PDE10A: variants seen among roughly 807,000 people sequenced by gnomAD.
The protein encoded by PDE10A is cAMP and cAMP-inhibited cGMP 3',5'-cyclic phosphodiesterase 10A.
Under a neutral mutation model 97.7 loss-of-function variants are expected in PDE10A, and 39 were observed. The observed-to-expected ratio is 0.40, with a 90% CI of 0.31 to 0.52. The LOEUF (loss-of-function observed/expected upper bound fraction) is 0.52, where lower values mean the gene tolerates loss of function less well. Ranked by LOEUF, PDE10A falls within the 20% of genes least tolerant of loss-of-function variation. The probability of loss-of-function intolerance (pLI) is 0.56; values close to 1 mark genes in which losing one functional copy is unlikely to be tolerated. For synonymous variants in PDE10A, 371 were observed against 376.8 expected, an observed-to-expected ratio of 0.98 and a Z score of 0.18; for missense variants, 731 against 1,047.8, an observed-to-expected ratio of 0.70 and a Z score of 4.17.
intron 1 of PDE10A, among the ~76,000 whole-genome samples, chr6:165,635,641 T>C (rs755194515): frequency 1.3e-5 from 2 of 152,230 alleles, no homozygotes; most frequent in Non-Finnish European, 2.9e-5. Flanking sequence ...ATGAATTCTA[T>C]AAAATTTATT....
intron 1 of PDE10A, among the ~76,000 whole-genome samples, chr6:165,681,178 T>A (rs959113408): frequency 6.6e-6 from 1 of 152,194 alleles, no homozygotes; most frequent in Non-Finnish European, 1.5e-5. Context: ...GTTCACCTCA[T>A]CCAAGATGCC....
chr6:165,691,085 C>G (rs1465754049), intron 1 of PDE10A, among the ~76,000 whole-genome samples: 1 of 47,278 alleles, frequency 2.1e-5, no homozygotes, highest in Non-Finnish European at 5.7e-5. Flanking sequence ...TTCTCTCTCT[C>G]TCTCTCTCTC....
At chr6:165,979,517 T>A (rs1784947217) in intron 1 of PDE10A, among the ~76,000 whole-genome samples, 2 of 152,246 alleles carry the variant, frequency 1.3e-5, no homozygotes, top group Non-Finnish European at 2.9e-5. Flanking sequence ...CATTTACAAG[T>A]AGAAATATTA....
chr6:165,782,999 C>T (rs578168740), intron 1 of PDE10A, among the ~76,000 whole-genome samples: 5 of 151,940 alleles, frequency 3.3e-5, no homozygotes, highest in African/African-American at 9.7e-5. Context: ...TTGTGGTCCT[C>T]TCTGATGCTC....
At chr6:165,946,390 G>A (rs1333280845) in intron 1 of PDE10A, among the ~76,000 whole-genome samples, 3 of 152,010 alleles carry the variant, frequency 2.0e-5, no homozygotes, top group African/African-American at 7.3e-5. Context: ...AGCTACTAGG[G>A]AGGCTGAGGC....
intron 1 of PDE10A, among the ~76,000 whole-genome samples, chr6:165,906,960 T>A (rs1035578311): frequency 6.6e-6 from 1 of 152,188 alleles, no homozygotes; most frequent in Non-Finnish European, 1.5e-5. Flanking sequence ...GGAATGCAAG[T>A]GCTCACAGCC....
chr6:165,708,775 A>C (rs1383645021), intron 1 of PDE10A, among the ~76,000 whole-genome samples: 6 of 9,766 alleles, frequency 6.1e-4, no homozygotes, highest in Admixed American at 2.5e-3. Flanking sequence ...CTCACCCCCC[A>C]CTCTCCACCC....
At chr6:165,525,131 G>T (rs997906426) in intron 2 of PDE10A, among the ~76,000 whole-genome samples, 1 of 152,110 alleles carries the variant, frequency 6.6e-6, no homozygotes, top group Non-Finnish European at 1.5e-5. Context: ...AAGTCCCGGC[G>T]AGCCCCTAGA....
chr6:165,390,241 G>A (rs547281573), intron 16 of PDE10A, among the ~76,000 whole-genome samples: 1 of 152,302 alleles, frequency 6.6e-6, no homozygotes, highest in Non-Finnish European at 1.5e-5. Flanking sequence ...AATGTCCCGG[G>A]ATTCGATTGA....
intron 1 of PDE10A, among the ~76,000 whole-genome samples, chr6:165,906,010 TCCTTCCCTC>T (rs1782258715): frequency 5.7e-5 from 2 of 35,398 alleles, no homozygotes; most frequent in Admixed American, 3.3e-4. Flanking sequence ...CTTCCTTCCT[TCCTTCCCTC>T]CCTCCCTTCC....
chr6:165,368,421 GA>G (rs377594011), intron 18 of PDE10A, among the ~76,000 whole-genome samples: 134 of 152,254 alleles, frequency 8.8e-4, no homozygotes, highest in Admixed American at 2.0e-3. Context: ...AAGACAAAAA[GA>G]GGTATAAATT....
chr6:165,461,659 T>C (rs1430734272), intron 3 of PDE10A, among the ~76,000 whole-genome samples: 1 of 152,224 alleles, frequency 6.6e-6, no homozygotes, highest in Non-Finnish European at 1.5e-5. Context: ...GCACCCTTTT[T>C]ACATCACTCA....
At chr6:165,905,586 A>G (rs760996204) in intron 1 of PDE10A, among the ~76,000 whole-genome samples, 1 of 152,166 alleles carries the variant, frequency 6.6e-6, no homozygotes, top group Admixed American at 6.5e-5. Flanking sequence ...ATATGTTTAT[A>G]TATTTTAAAT....
At chr6:165,770,140 A>C (rs1340696919) in intron 1 of PDE10A, among the ~76,000 whole-genome samples, 1 of 147,846 alleles carries the variant, frequency 6.8e-6, no homozygotes, top group Non-Finnish European at 1.5e-5. Context: ...CAAACAAACG[A>C]AAGTAAATCT....
At chr6:165,849,146 A>G (rs575283143) in intron 1 of PDE10A, among the ~76,000 whole-genome samples, 41 of 152,256 alleles carry the variant, frequency 2.7e-4, no homozygotes, top group African/African-American at 9.1e-4. Context: ...TTATTATTTT[A>G]TTGTTATTGC....
intron 1 of PDE10A, among the ~76,000 whole-genome samples, chr6:165,549,916 A>G (rs2128328330): frequency 6.6e-6 from 1 of 152,344 alleles, no homozygotes; most frequent in Non-Finnish European, 1.5e-5. Flanking sequence ...CTATTGTAAG[A>G]ATTAGGAAAA....
chr6:165,954,814 T>G (rs1784079701), intron 1 of PDE10A, among the ~76,000 whole-genome samples: 1 of 152,058 alleles, frequency 6.6e-6, no homozygotes, highest in Non-Finnish European at 1.5e-5. Flanking sequence ...TGGCTACCTC[T>G]GTGTGCAGGG....
At chr6:165,881,399 T>C (rs1040443418) in intron 1 of PDE10A, among the ~76,000 whole-genome samples, 281 of 129,120 alleles carry the variant, frequency 2.2e-3, no homozygotes, top group East Asian at 2.8e-3. Flanking sequence ...TTTCTTTTTT[T>C]TTTTTTTTTT....
chr6:165,832,421 T>TA (rs34875193), intron 1 of PDE10A, among the ~76,000 whole-genome samples: 51,921 of 149,948 alleles, frequency 0.35, 9,292 homozygotes, highest in African/African-American at 0.38. Flanking sequence ...AATCCTGATT[T>TA]AAAAAAAAAA....
Sources: gnomAD v4.1 joint callset for allele counts (sites outside exome capture counted in the v4.1 genomes callset) on GRCh38, gnomAD v4.1.1 for gene constraint, MANE v1.5 for transcripts, NCBI Gene and HGNC (gene_info 2026-07-23, HGNC 2026-07-21) for gene names.